DFFB: variants seen among roughly 807,000 people sequenced by gnomAD.
DFFB encodes DNA fragmentation factor subunit beta.
Under a neutral mutation model 32.7 loss-of-function variants are expected in DFFB, and 29 were observed. That is an observed-to-expected ratio of 0.89 (90% confidence interval 0.66 to 1.21). The LOEUF (loss-of-function observed/expected upper bound fraction) is 1.21, where lower values mean the gene tolerates loss of function less well. Ranked by LOEUF, DFFB falls within the 50% of genes most tolerant of loss-of-function variation. The pLI is 0.00. For synonymous variants in DFFB, 170 were observed against 177.1 expected, an observed-to-expected ratio of 0.96 and a Z score of 0.32; for missense variants, 398 against 440.6, an observed-to-expected ratio of 0.90 and a Z score of 0.87.
In DFFB at chr1:3,865,526, A is replaced by G; in HGVS notation, c.242-286A>G. On this transcript the variant is annotated intron_variant, in intron 2 of 6. Transcript: ENST00000378209. This position sits in a 1 kb window ranked among gnomAD's most constrained non-coding sequence, Gnocchi z 4.7. ...CCAAAGTGGGGGGCGTATGGTTTGGAGGGGAGGAGGCCAAATGGGAAAGCG... is the reference window on the plus strand; with the variant it reads ...CCAAAGTGGGGGGCGTATGGTTTGGGGGGGAGGAGGCCAAATGGGAAAGCG... The G allele has an allele frequency of 1.8e-6, 1 of 560,694 alleles. No homozygotes were observed. 34.7% of individuals were successfully genotyped at this position (560,694 alleles called of 1,614,324 possible).
intron 6 of DFFB, among the ~76,000 whole-genome samples, chr1:3,877,119 A>C (rs1029770126): frequency 1.3e-5 from 2 of 151,830 alleles, no homozygotes; most frequent in Non-Finnish European, 2.9e-5. Context: ...CCGCTGGGGA[A>C]CTTTCCTTTC....
At chr1:3,879,153 T>G (rs12027929) in intron 6 of DFFB, among the ~76,000 whole-genome samples, 21,887 of 152,196 alleles carry the variant, frequency 0.14, 1,683 homozygotes, top group South Asian at 0.17. Context: ...AGTATCTAGG[T>G]AGAGCTCTTT....
At chr1:3,874,299 CACGCGTGTGGGTTTA>C (rs1323811954) in intron 6 of DFFB, among the ~76,000 whole-genome samples, 15 of 134,874 alleles carry the variant, frequency 1.1e-4, no homozygotes, top group African/African-American at 3.7e-4. Flanking sequence ...ACCTTTACCA[CACGCGTGTGGGTTTA>C]ACATGCACAT....
At position 3,867,609 on chromosome 1, in the gene DFFB, T is replaced by C. The variant is rs367546734; in HGVS notation, c.431-365T>C. 1.5e-3 allele frequency: 345 copies of C among 236,346 alleles called. 1 individual carries two copies. The highest frequency in any genetic ancestry group is 7.0e-3 in the African/African-American group (317 of 45,012). The allele number at this position is 236,346 out of a possible 1,614,324, so 14.6% of individuals were successfully genotyped here. On this transcript the variant is annotated intron_variant, in intron 3 of 6. Coordinates refer to ENST00000378209, the MANE Select transcript of DFFB (RefSeq NM_004402.4). ...TGCTCACACCTATAATCCTAGCACT[T>C]TGGGAGGCCGAGGCTGGAAGACAGC...
intron 3 of DFFB, chr1:3,866,261 T>G: frequency 1.8e-6 from 1 of 549,860 alleles, no homozygotes; most frequent in South Asian, 1.5e-5. Flanking sequence ...TGTTTTGAGA[T>G]GGAGTCTTGC....
At chr1:3,863,778 G>T (rs1644922262) in intron 2 of DFFB, among the ~76,000 whole-genome samples, 1 of 152,036 alleles carries the variant, frequency 6.6e-6, no homozygotes, top group African/African-American at 2.4e-5. Context: ...CCCAGAACGG[G>T]GATGTTAGAG....
At chr1:3,880,450 G>A (rs1645313086) in intron 6 of DFFB, among the ~76,000 whole-genome samples, 2 of 152,238 alleles carry the variant, frequency 1.3e-5, no homozygotes, top group Non-Finnish European at 1.5e-5. Context: ...TGGAGTCTGA[G>A]GTGGTCTCAG....
intron 2 of DFFB, among the ~76,000 whole-genome samples, chr1:3,859,616 G>T (rs1028726751): frequency 3.3e-5 from 5 of 152,182 alleles, no homozygotes; most frequent in African/African-American, 9.7e-5. Flanking sequence ...GAGAGAAGTC[G>T]AAGAGTAACA....
At chr1:3,872,396 AGCGAGGCGCTGTCTCAAG>A in intron 5 of DFFB, 58 bp from the exon 6 acceptor site, 1 of 1,088,746 alleles carries the variant, frequency 9.2e-7, no homozygotes. Flanking sequence ...CTGGCGACAG[AGCGAGGCGCTGTCTCAAG>A]AAAAAAAAAA....
intron 1 of DFFB, among the ~76,000 whole-genome samples, chr1:3,857,953 G>C (rs1331338265): frequency 3.3e-5 from 5 of 152,176 alleles, no homozygotes; most frequent in Non-Finnish European, 7.3e-5. Context: ...CCCACCTCTC[G>C]GGCAGGACAG....
In DFFB at chr1:3,883,749, ACACCACGTC is replaced by A; in HGVS notation, c.*10_*18del. On this transcript the variant is annotated 3_prime_UTR_variant, in exon 7 of 7. Coordinates refer to ENST00000378209, the MANE Select transcript of DFFB (RefSeq NM_004402.4). ...GTGCGGAAACGCCAGTGACACGTACACACCACGTCCTGGTCTTTGTTTGAGGCCTGACGT... is the reference window on the plus strand; with the variant it reads ...GTGCGGAAACGCCAGTGACACGTACACTGGTCTTTGTTTGAGGCCTGACGT... 6.2e-7 allele frequency: 1 copy of A among 1,612,134 alleles called. No individual in the cohort carries two copies. Among genetic ancestry groups the A allele is most frequent in the South Asian group, 1.1e-5 (1 of 91,076 alleles).
rs374758045 is a variant in DFFB, at chr1:3,872,484, A to G, written c.694A>G (p.Met232Val). 2 of 1,613,644 alleles carry G rather than the reference A, an allele frequency of 1.2e-6. No individual in the cohort carries two copies. The highest frequency in any genetic ancestry group is 1.7e-6 in the Non-Finnish European group (2 of 1,179,944). Residue 232 changes from methionine (M) to valine (V), a missense_variant, in exon 6 of 7, where the codon ATG becomes GTG. Physicochemically the swap from Met to Val is conservative, Grantham distance 21. Transcript: ENST00000378209. ...TTTTGGCCCCCAGGGTCCCTTTGAC[A>G]TGGACAGCTGCTTATCAAGACACTC... Reference protein sequence around the residue: ...GWFSCQGPFDMDSCLSRHSIN... With the variant: ...GWFSCQGPFDVDSCLSRHSIN...
intron 3 of DFFB, 67 bp from the exon 4 acceptor site, chr1:3,867,907 C>A: frequency 6.9e-7 from 1 of 1,448,046 alleles, no homozygotes; most frequent in Non-Finnish European, 9.7e-7. Context: ...CTGGGCTGGG[C>A]AGGACACAGA....
At chr1:3,874,729 G>A (rs1301302491) in intron 6 of DFFB, among the ~76,000 whole-genome samples, 1 of 150,036 alleles carries the variant, frequency 6.7e-6, no homozygotes, top group Non-Finnish European at 1.5e-5. Flanking sequence ...GGCCTCCCAT[G>A]CTGTGGTCTG....
Position 3,872,586 on chromosome 1 carries a change from G to A in DFFB, c.782+14G>A, listed in dbSNP as rs1645140837. On this transcript the variant is annotated intron_variant, in intron 6 of 6. Coordinates refer to ENST00000378209, the MANE Select transcript of DFFB (RefSeq NM_004402.4). ...CCTGGATCACATGTAAGCTCACAGA[G>A]CGAGGTTCAGACCCACGAGTGCCTG... 1 of 1,608,828 alleles carries A rather than the reference G, an allele frequency of 6.2e-7. No individual in the cohort carries two copies. Among genetic ancestry groups the A allele is most frequent in the Non-Finnish European group, 8.5e-7 (1 of 1,177,622 alleles).
At chr1:3,881,944 A>G (rs192384370) in intron 6 of DFFB, among the ~76,000 whole-genome samples, 2 of 151,760 alleles carry the variant, frequency 1.3e-5, no homozygotes, top group East Asian at 3.9e-4. Context: ...AGTTTAGCTC[A>G]CTCAACACCC....
chr1:3,880,701 T>G (rs1221618783), intron 6 of DFFB, among the ~76,000 whole-genome samples: 2 of 152,124 alleles, frequency 1.3e-5, no homozygotes, highest in East Asian at 3.9e-4. Flanking sequence ...GGTGGAGCCT[T>G]CTGCTGCTGT....
Position 3,872,920 on chromosome 1 carries a change from C to T in DFFB, c.782+348C>T, listed in dbSNP as rs1343384024. The T allele has an allele frequency of 7.4e-6, 9 of 1,215,838 alleles. 1 individual carries two copies. In the Admixed American group the frequency reaches 2.6e-4, roughly 35 times the overall value. The allele number at this position is 1,215,838 out of a possible 1,614,324, so 75.3% of individuals were successfully genotyped here. ...GCCCTTGGCTGTCAGAGGTTCTGAA[C>T]CTCTGTGAGTTTGAACCAGGGTGAG... is the stretch of plus-strand genomic sequence containing the variant. On this transcript the variant is annotated intron_variant, in intron 6 of 6. Coordinates refer to ENST00000378209, the MANE Select transcript of DFFB (RefSeq NM_004402.4).
In DFFB at chr1:3,865,672, C is replaced by T. The variant is rs745514173; in HGVS notation, c.242-140C>T. The T allele has an allele frequency of 6.7e-6, 9 of 1,348,846 alleles. No homozygotes were observed. Among genetic ancestry groups the T allele is most frequent in the Admixed American group, 5.1e-5 (3 of 58,924 alleles). The allele number at this position is 1,348,846 out of a possible 1,614,324, so 83.6% of individuals were successfully genotyped here. On this transcript the variant is annotated intron_variant, in intron 2 of 6. Coordinates refer to ENST00000378209, the MANE Select transcript of DFFB (RefSeq NM_004402.4). The surrounding 1 kb of genome is among the most constrained non-coding windows in gnomAD (Gnocchi z 4.7). ...TGGTGTCAGGGCAAGGACAAAGACCCGGGACACCTCAAGTCTGAGTCCTGG... is the reference window on the plus strand; with the variant it reads ...TGGTGTCAGGGCAAGGACAAAGACCTGGGACACCTCAAGTCTGAGTCCTGG...
Sources: gnomAD v4.1 joint callset for allele counts (sites outside exome capture counted in the v4.1 genomes callset) on GRCh38, gnomAD v4.1.1 for gene constraint, Gnocchi (gnomAD v3.1) non-coding constraint, MANE v1.5 for transcripts, NCBI Gene and HGNC (gene_info 2026-07-23, HGNC 2026-07-21) for gene names.